TOGARAM2: variants seen among roughly 807,000 people sequenced by gnomAD.
The protein encoded by TOGARAM2 is TOG array regulator of axonemal microtubules 2.
A neutral mutation model predicts 93.3 loss-of-function variants in TOGARAM2; 85 were observed. That is an observed-to-expected ratio of 0.91 (90% CI 0.76 to 1.09). The LOEUF (loss-of-function observed/expected upper bound fraction) is 1.09, where lower values mean the gene tolerates loss of function less well. Among genes scored for constraint, TOGARAM2 ranks in the 50% least tolerant of loss-of-function variants. The pLI is 0.00. For missense variants in TOGARAM2, 1,277 were observed against 1,334.5 expected, an observed-to-expected ratio of 0.96 and a Z score of 0.67; for synonymous variants, 593 against 552.8, an observed-to-expected ratio of 1.07 and a Z score of -1.02.
chr2:29,000,368 G>A lies in TOGARAM2; in HGVS notation c.427+900G>A, dbSNP rs551135764. ...ATACTCACTGGCTCTGGGGCCTTGG[G>A]CAGGTCGGTAACATTTCAGGCCTCG... is the stretch of plus-strand genomic sequence containing the variant. On this transcript the variant is annotated intron_variant, in intron 4 of 19. Coordinates refer to ENST00000379558, the MANE Select transcript of TOGARAM2 (RefSeq NM_199280.4). 2.6e-5 allele frequency among the ~76,000 whole-genome samples: 4 copies of A among 152,236 alleles called. No homozygotes were observed. In the South Asian group the frequency reaches 6.2e-4, roughly 24 times the overall value.
chr2:28,962,598 C>T (rs1671816467), intron 1 of TOGARAM2, among the ~76,000 whole-genome samples: 1 of 152,052 alleles, frequency 6.6e-6, no homozygotes, highest in African/African-American at 2.4e-5. Context: ...ATGGATATGC[C>T]ACAAGTTGTT....
At chr2:29,026,521 C>T (rs1489042952) in intron 13 of TOGARAM2, among the ~76,000 whole-genome samples, 1 of 152,076 alleles carries the variant, frequency 6.6e-6, no homozygotes, top group East Asian at 1.9e-4. Flanking sequence ...TAGGACTTTT[C>T]TAGGTGGAGG....
Position 29,011,491 on chromosome 2 carries a change from T to C in TOGARAM2, c.867T>C (p.Pro289=), listed in dbSNP as rs1315375713. ...ARGSGPREKT[P]ASLEPKPLAS... is the part of the protein sequence containing the mutation. The stretch of plus-strand genomic sequence containing the variant: ...GGAGTGGGCCTCGGGAGAAGACCCC[T>C]GCATCTCTGGGTACGTATCTTCCAT... Residue 289 remains proline, a synonymous_variant, in exon 7 of 20, where the codon CCT becomes CCC. Transcript: ENST00000379558. 6.2e-7 allele frequency: 1 copy of C among 1,606,204 alleles called. No individual in the cohort carries two copies. Among genetic ancestry groups the C allele is most frequent in the Admixed American group, 1.7e-5 (1 of 58,164 alleles).
In TOGARAM2 at chr2:29,051,553, C is replaced by T. The variant is rs1343301442; in HGVS notation, c.2723-203C>T. On this transcript the variant is annotated intron_variant, in intron 19 of 19. Coordinates refer to ENST00000379558, the MANE Select transcript of TOGARAM2 (RefSeq NM_199280.4). The stretch of plus-strand genomic sequence containing the variant: ...GGTTGGTATAAGCACAGATATAAAC[C>T]AGGTTGGACATATTCATATATTTTC... 1.1e-5 allele frequency: 5 copies of T among 470,396 alleles called. No individual in the cohort carries two copies. In the East Asian group the frequency reaches 1.3e-4, roughly 12 times the overall value. 29.1% of individuals were successfully genotyped at this position (470,396 alleles called of 1,614,324 possible). A position where few individuals can be genotyped will look rare whatever the true frequency, so the allele number is the denominator to read the frequency against.
intron 14 of TOGARAM2, among the ~76,000 whole-genome samples, chr2:29,030,079 G>A (rs1483917741): frequency 6.6e-6 from 1 of 152,218 alleles, no homozygotes; most frequent in Non-Finnish European, 1.5e-5. Flanking sequence ...TTTGAGATCA[G>A]CCTGGGCAAC....
intron 6 of TOGARAM2, among the ~76,000 whole-genome samples, chr2:29,011,157 C>T (rs1220602641): frequency 1.3e-5 from 2 of 152,232 alleles, no homozygotes; most frequent in African/African-American, 4.8e-5. Flanking sequence ...AGGGTGGGGG[C>T]TTCCTTTAAG....
At chr2:28,983,185 T>TAA (rs1407194208) in intron 1 of TOGARAM2, among the ~76,000 whole-genome samples, 485 of 32,062 alleles carry the variant, frequency 0.015, 14 homozygotes, top group African/African-American at 0.04. Flanking sequence ...TAAATATATA[T>TAA]ATATATATAT....
intron 2 of TOGARAM2, among the ~76,000 whole-genome samples, chr2:28,996,617 T>A (rs1673000681): frequency 6.6e-6 from 1 of 151,852 alleles, no homozygotes; most frequent in African/African-American, 2.4e-5. Context: ...AGCTCAGGAT[T>A]TCGAGACCAG....
intron 1 of TOGARAM2, among the ~76,000 whole-genome samples, chr2:28,957,723 A>G (rs1410344737): frequency 1.3e-5 from 2 of 152,326 alleles, no homozygotes; most frequent in East Asian, 1.9e-4. Flanking sequence ...TACCTCATGA[A>G]TGAATGATTT....
In TOGARAM2 at chr2:28,967,127, T is replaced by C. The variant is rs574164038; in HGVS notation, c.-147+10430T>C. Among the ~76,000 whole-genome samples the C allele has an allele frequency of 2.0e-4, 30 of 152,324 alleles. 1 individual carries two copies. In the East Asian group the frequency reaches 5.8e-3, roughly 29 times the overall value. On this transcript the variant is annotated intron_variant, in intron 1 of 6. Coordinates refer to the TOGARAM2 transcript ENST00000401723. The stretch of plus-strand genomic sequence containing the variant: ...AATGCATTGTACAAGTGAATGGGCA[T>C]AAATAGATAACATTTCCAAAATAGA...
chr2:29,000,526 C>T (rs1315255716), intron 4 of TOGARAM2, among the ~76,000 whole-genome samples: 3 of 152,198 alleles, frequency 2.0e-5, no homozygotes, highest in Admixed American at 6.5e-5. Flanking sequence ...TACTATTTTC[C>T]TTCCTTCTCT....
At position 29,032,701 on chromosome 2, in the gene TOGARAM2, A is replaced by G. The variant is rs77612661; in HGVS notation, c.2013-233A>G. The stretch of plus-strand genomic sequence containing the variant: ...ATCAACTAGAAAGTAAATGCCACAG[A>G]AAAAAGACTATAGGAAAATATGTAA... On this transcript the variant is annotated intron_variant, in intron 14 of 19. Transcript: ENST00000379558. The G allele has an allele frequency of 2.6e-4, 121 of 460,550 alleles. 1 individual carries two copies. The highest frequency in any genetic ancestry group is 2.5e-3 in the South Asian group (81 of 32,380). The allele number at this position is 460,550 out of a possible 1,614,324, so 28.5% of individuals were successfully genotyped here.
rs1172833327 is a variant in TOGARAM2, at chr2:28,969,199, G to A, written c.-147+12502G>A. 4.6e-5 allele frequency among the ~76,000 whole-genome samples: 7 copies of A among 152,232 alleles called. No individual in the cohort carries two copies. The East Asian group carries it at 9.6e-4, about 21-fold the overall frequency. On this transcript the variant is annotated intron_variant, in intron 1 of 6. Transcript: ENST00000401723. ...TAGCTGGGCGTCAGGAGATTTGCAA[G>A]GTTTGCAGTGCAGGCCATCTCTGGG...
chr2:28,977,319 G>A (rs1558395905), upstream of TOGARAM2, among the ~76,000 whole-genome samples: 2 of 152,180 alleles, frequency 1.3e-5, no homozygotes, highest in African/African-American at 4.8e-5. Context: ...CTGAGACAGA[G>A]ATGGGGGAGG....
chr2:28,968,264 A>C (rs1671894006), intron 1 of TOGARAM2, among the ~76,000 whole-genome samples: 1 of 152,098 alleles, frequency 6.6e-6, no homozygotes, highest in Non-Finnish European at 1.5e-5. Flanking sequence ...CATTATCTTT[A>C]TTTCTTTTCC....
intron 10 of TOGARAM2, 36 bp from the exon 11 acceptor site, chr2:29,022,122 T>C: frequency 6.2e-7 from 1 of 1,613,438 alleles, no homozygotes; most frequent in Admixed American, 1.7e-5. Flanking sequence ...CCTGTCCTGC[T>C]GCGTGAAGCC....
At chr2:29,016,549 AAAC>A (rs1664582541) in intron 8 of TOGARAM2, among the ~76,000 whole-genome samples, 1 of 152,196 alleles carries the variant, frequency 6.6e-6, no homozygotes, top group South Asian at 2.1e-4. Context: ...AAATTATAAA[AAAC>A]AACACTTAGA....
chr2:29,019,848 A>G (rs1664820139), intron 10 of TOGARAM2, among the ~76,000 whole-genome samples: 1 of 152,202 alleles, frequency 6.6e-6, no homozygotes, highest in African/African-American at 2.4e-5. Flanking sequence ...AAATGATAGT[A>G]TTTCAGGATT....
At chr2:29,042,540 C>T (rs999920238) in intron 18 of TOGARAM2, among the ~76,000 whole-genome samples, 2 of 152,138 alleles carry the variant, frequency 1.3e-5, no homozygotes, top group African/African-American at 4.8e-5. Flanking sequence ...GCAGAAAGAA[C>T]ACTCGGGGGG....
Sources: allele counts gnomAD v4.1 joint callset (sites outside exome capture counted in the v4.1 genomes callset), GRCh38; gene constraint gnomAD v4.1.1; transcripts MANE v1.5; gene names NCBI Gene and HGNC (gene_info 2026-07-23, HGNC 2026-07-21).